SMCHD1: variants seen among roughly 807,000 people sequenced by gnomAD.
The protein encoded by SMCHD1 is structural maintenance of chromosomes flexible hinge domain-containing protein 1.
SMCHD1 carries 78 observed loss-of-function variants against 254.7 expected under a neutral mutation model. The ratio of observed to expected loss-of-function variants is 0.31; its 90% CI spans 0.26 to 0.37. The LOEUF (loss-of-function observed/expected upper bound fraction) is 0.37, where lower values mean the gene tolerates loss of function less well. SMCHD1 is among the 10% of genes least tolerant of loss of function. The pLI is 1.00. For missense variants in SMCHD1, 1,840 were observed against 2,408.1 expected, an observed-to-expected ratio of 0.76 and a Z score of 4.94; for synonymous variants, 766 against 794.9, an observed-to-expected ratio of 0.96 and a Z score of 0.61.
rs183109549 is a variant in SMCHD1 at position 2,706,876 on chromosome 18, T to C, written c.2063+406T>C. On this transcript the variant is annotated intron_variant, in intron 15 of 47. Coordinates refer to ENST00000320876, the MANE Select transcript of SMCHD1 (RefSeq NM_015295.3). ...AAGCAAGGAGGTTTAATTGACTCAGTCGTGCATGGCTGGGGAGGCCTCAGG... is the reference window on the plus strand; with the variant it reads ...AAGCAAGGAGGTTTAATTGACTCAGCCGTGCATGGCTGGGGAGGCCTCAGG... Among the ~76,000 whole-genome samples, 27 of 152,224 alleles carry C rather than the reference T, an allele frequency of 1.8e-4. No individual in the cohort carries two copies. In the East Asian group the frequency reaches 5.2e-3, roughly 29 times the overall value.
chr18:2,698,607 A>G (rs577956748), intron 10 of SMCHD1, among the ~76,000 whole-genome samples: 7 of 152,200 alleles, frequency 4.6e-5, no homozygotes, highest in South Asian at 2.1e-4. Context: ...GCCTGAAACA[A>G]TCCTCCTGCC....
intron 29 of SMCHD1, among the ~76,000 whole-genome samples, chr18:2,744,222 A>G (rs1024057355): frequency 6.6e-6 from 1 of 152,182 alleles, no homozygotes; most frequent in Non-Finnish European, 1.5e-5. Flanking sequence ...GCAAACTCCC[A>G]TGTGCCAATT....
intron 33 of SMCHD1, 27 bp from the exon 34 acceptor site, chr18:2,752,461 C>T (rs186541604): frequency 9.8e-6 from 15 of 1,529,256 alleles, no homozygotes; most frequent in Non-Finnish European, 1.4e-5. Context: ...TTTCCCCTCT[C>T]CCCTTCTCTC....
intron 7 of SMCHD1, 105 bp downstream of exon 7, chr18:2,688,852 C>T (rs2074110198): frequency 2.9e-6 from 2 of 699,276 alleles, no homozygotes; most frequent in African/African-American, 1.8e-5. Flanking sequence ...TTACCCTTTC[C>T]TTTAGTCATA....
At chr18:2,691,829 G>T (rs1304074222) in intron 7 of SMCHD1, 1 of 152,230 alleles carries the variant, frequency 6.6e-6, no homozygotes, top group Non-Finnish European at 1.5e-5. Context: ...ACTCGCTGCT[G>T]TATCTGTGAT....
At chr18:2,782,758 A>ACAAAAAC (rs1267040646) in intron 44 of SMCHD1, among the ~76,000 whole-genome samples, 2 of 148,818 alleles carry the variant, frequency 1.3e-5, no homozygotes, top group African/African-American at 5.1e-5. Flanking sequence ...AAAAAAAAAA[A>ACAAAAAC]AAAAAAAAAA....
At chr18:2,671,513 C>CTTTCCCTACTTCTG (rs150838663) in intron 3 of SMCHD1, among the ~76,000 whole-genome samples, 20,472 of 150,826 alleles carry the variant, frequency 0.14, 3,647 homozygotes, top group African/African-American at 0.41. Context: ...ATTCCCGGGT[C>CTTTCCCTACTTCTG]TTTCCCTACT....
chr18:2,767,977 G>C (rs895426668), intron 37 of SMCHD1, among the ~76,000 whole-genome samples: 1 of 152,072 alleles, frequency 6.6e-6, no homozygotes, highest in Non-Finnish European at 1.5e-5. Context: ...TAGTATCTGT[G>C]TATCTAAACA....
intron 13 of SMCHD1, 21 bp from the exon 14 acceptor site, chr18:2,705,673 T>C (rs1407104802): frequency 2.4e-6 from 3 of 1,240,022 alleles, no homozygotes; most frequent in Non-Finnish European, 3.4e-6. Flanking sequence ...GCTTTTTTTT[T>C]TTTTAAAAAC....
rs553815732 is a variant in SMCHD1 at position 2,796,435 on chromosome 18, C to T, written c.5907C>T (p.Asp1969=). Reference sequence around the variant, plus strand: ...TGACTCCCATACGTAAGTGTAATGACTCATTGCGTCATTCACCAAAGGTTG... The same window carrying T: ...TGACTCCCATACGTAAGTGTAATGATTCATTGCGTCATTCACCAAAGGTTG... ...LGMTPIRKCN[D]SLRHSPKVET... is the part of the protein sequence containing the mutation. Residue 1969 remains aspartate (D), a synonymous_variant, in exon 47 of 48, where the codon GAC becomes GAT. Coordinates refer to ENST00000320876, the MANE Select transcript of SMCHD1 (RefSeq NM_015295.3). 2 of 1,602,348 alleles carry T rather than the reference C, an allele frequency of 1.2e-6. No homozygotes were observed. The highest frequency in any genetic ancestry group is 2.3e-5 in the South Asian group (2 of 88,546).
At chr18:2,684,764 A>G (rs1256705623) in intron 5 of SMCHD1, among the ~76,000 whole-genome samples, 2 of 102,638 alleles carry the variant, frequency 1.9e-5, no homozygotes, top group African/African-American at 3.1e-5. Flanking sequence ...TGGCTTATTA[A>G]CTATAGCTGT....
intron 42 of SMCHD1, among the ~76,000 whole-genome samples, chr18:2,776,451 C>T (rs575305140): frequency 2.6e-5 from 4 of 151,908 alleles, no homozygotes; most frequent in East Asian, 3.9e-4. Context: ...TCAAGCAGTC[C>T]TCCCACCTCA....
chr18:2,737,291 G>T (rs1042882723), intron 25 of SMCHD1, among the ~76,000 whole-genome samples: 3 of 152,122 alleles, frequency 2.0e-5, no homozygotes, highest in Non-Finnish European at 4.4e-5. Context: ...TCATTACCTG[G>T]GTGATGAGAT....
chr18:2,662,032 G>A lies in SMCHD1; in HGVS notation c.187-4125G>A, dbSNP rs534674253. 1.6e-3 allele frequency among the ~76,000 whole-genome samples: 229 copies of A among 144,266 alleles called. 2 individuals carry two copies. Among genetic ancestry groups the A allele is most frequent in the Middle Eastern group, 3.4e-3 (1 of 290 alleles). The allele number at this position is 144,266 out of a possible 152,430, so 94.6% of individuals were successfully genotyped here. ...AAATTAGCCGGGCGCGGTGGCAGGC[G>A]CCTGTAGTCCCAGCTACTCGGGAGG... On this transcript the variant is annotated intron_variant, in intron 1 of 47. Transcript: ENST00000320876.
chr18:2,671,953 C>T (rs2073619534), intron 3 of SMCHD1, among the ~76,000 whole-genome samples: 1 of 152,036 alleles, frequency 6.6e-6, no homozygotes, highest in Non-Finnish European at 1.5e-5. Flanking sequence ...ACTGTTGTAC[C>T]TGTGTGATGA....
chr18:2,676,299 T>C (rs1598297553), intron 5 of SMCHD1, among the ~76,000 whole-genome samples: 1 of 152,204 alleles, frequency 6.6e-6, no homozygotes, highest in African/African-American at 2.4e-5. Flanking sequence ...AAGAGTAATG[T>C]TGAAGGAATG....
Position 2,751,311 on chromosome 18 carries a change from G to A in SMCHD1, c.4199G>A (p.Ser1400Asn). ...ATTAGTGTTATTTCTGAAGATGACAGTATCATTAAAAACATTAATCCAGCA... is the reference window on the plus strand; with the variant it reads ...ATTAGTGTTATTTCTGAAGATGACAATATCATTAAAAACATTAATCCAGCA... ...FMISVISEDD[S>N]IIKNINPARI... The change falls in exon 33 of 48, where the codon AGT (serine) becomes AAT (asparagine). Residue 1400 changes from serine (S) to asparagine (N), a missense_variant. Physicochemically the swap from Ser to Asn is conservative, Grantham distance 46 (BLOSUM62 1). Transcript: ENST00000320876. 2 of 1,575,850 alleles carry A rather than the reference G, an allele frequency of 1.3e-6. No individual in the cohort carries two copies. The highest frequency in any genetic ancestry group is 1.7e-6 in the Non-Finnish European group (2 of 1,165,504).
intron 1 of SMCHD1, among the ~76,000 whole-genome samples, chr18:2,657,034 C>T (rs561134119): frequency 6.6e-6 from 1 of 152,228 alleles, no homozygotes; most frequent in East Asian, 1.9e-4. Flanking sequence ...GAGGTGGTGG[C>T]ATTGCCTGAG....
intron 17 of SMCHD1, among the ~76,000 whole-genome samples, 197 bp from the exon 18 acceptor site, chr18:2,717,961 A>G (rs1433148959): frequency 1.3e-5 from 2 of 152,144 alleles, no homozygotes; most frequent in African/African-American, 4.8e-5. Context: ...GACTTGAAAT[A>G]AAGAGATTTT....
Sources: gnomAD v4.1 joint callset for allele counts (sites outside exome capture counted in the v4.1 genomes callset) on GRCh38, gnomAD v4.1.1 for gene constraint, MANE v1.5 for transcripts, NCBI Gene and HGNC (gene_info 2026-07-23, HGNC 2026-07-21) for gene names.